CRACD: variants seen among roughly 807,000 people sequenced by gnomAD.
CRACD encodes capping protein-inhibiting regulator of actin dynamics.
A neutral mutation model predicts 106.8 loss-of-function variants in CRACD; 56 were observed. The ratio of observed to expected loss-of-function variants is 0.52; its 90% CI spans 0.42 to 0.66. The LOEUF (loss-of-function observed/expected upper bound fraction) is 0.66, where lower values mean the gene tolerates loss of function less well. Among genes scored for constraint, CRACD ranks in the 30% least tolerant of loss-of-function variants. CRACD has a pLI of 0.00. For missense variants in CRACD, 1,730 were observed against 1,623.2 expected (o/e 1.07, Z -1.13); for synonymous variants, 754 against 670.8 (o/e 1.12, Z -1.92).
At chr4:56,199,361 C>CA (rs1340510838) in intron 2 of CRACD, among the ~76,000 whole-genome samples, 1 of 152,068 alleles carries the variant, frequency 6.6e-6, no homozygotes, top group Non-Finnish European at 1.5e-5. Flanking sequence ...CTTTTATCAG[C>CA]AAGTTAATTT....
chr4:56,244,891 C>T (rs1740596225), intron 2 of CRACD, among the ~76,000 whole-genome samples: 2 of 152,254 alleles, frequency 1.3e-5, no homozygotes, highest in African/African-American at 4.8e-5. Flanking sequence ...AAATCCCATC[C>T]TAAGCTGCCC....
At chr4:56,051,586 C>G (rs1013957980) in intron 1 of CRACD, among the ~76,000 whole-genome samples, 2 of 152,122 alleles carry the variant, frequency 1.3e-5, no homozygotes, top group Non-Finnish European at 2.9e-5. Flanking sequence ...CTTGCCAGCT[C>G]CTTGCCACTA....
chr4:56,257,860 A>G (rs1741462295), intron 2 of CRACD, among the ~76,000 whole-genome samples: 1 of 152,124 alleles, frequency 6.6e-6, no homozygotes, highest in Non-Finnish European at 1.5e-5. Flanking sequence ...TCACAAGGTC[A>G]AGAGATTGAG....
intron 3 of CRACD, among the ~76,000 whole-genome samples, chr4:56,279,091 A>T (rs549130878): frequency 6.6e-6 from 1 of 152,162 alleles, no homozygotes; most frequent in African/African-American, 2.4e-5. Context: ...TTCTGATCCC[A>T]TACCTTCACT....
intron 2 of CRACD, among the ~76,000 whole-genome samples, chr4:56,189,746 G>A (rs1402127892): frequency 6.7e-6 from 1 of 149,684 alleles, no homozygotes; most frequent in East Asian, 2.0e-4. Context: ...TTTTATGGCT[G>A]TATAGTATTC....
chr4:56,177,577 G>A (rs892776273), intron 1 of CRACD, among the ~76,000 whole-genome samples: 1 of 152,182 alleles, frequency 6.6e-6, no homozygotes, highest in Non-Finnish European at 1.5e-5. Flanking sequence ...TGTTGCAACA[G>A]TTTGAGTAGA....
intron 1 of CRACD, among the ~76,000 whole-genome samples, chr4:56,077,791 G>T (rs755636878): frequency 2.0e-5 from 3 of 152,176 alleles, no homozygotes; most frequent in African/African-American, 7.2e-5. Context: ...TTTTTCAGAG[G>T]ATAGTCATGA....
chr4:56,192,887 A>G (rs542112038), intron 2 of CRACD, among the ~76,000 whole-genome samples: 1 of 152,320 alleles, frequency 6.6e-6, no homozygotes, highest in Non-Finnish European at 1.5e-5. Context: ...ATTGATTAAT[A>G]TTAGCTTCTC....
chr4:56,168,933 T>G (rs1736253316), intron 1 of CRACD, among the ~76,000 whole-genome samples: 1 of 152,160 alleles, frequency 6.6e-6, no homozygotes, highest in South Asian at 2.1e-4. Flanking sequence ...ATCACATGGC[T>G]TCCATAGAAA....
intron 2 of CRACD, among the ~76,000 whole-genome samples, chr4:56,205,490 C>T (rs1017141674): frequency 6.6e-5 from 10 of 151,610 alleles, no homozygotes; most frequent in African/African-American, 1.9e-4. Flanking sequence ...ATAAACTGTT[C>T]TAAGCAATTT....
At chr4:56,085,233 G>A (rs1310777923) in intron 1 of CRACD, among the ~76,000 whole-genome samples, 1 of 152,174 alleles carries the variant, frequency 6.6e-6, no homozygotes. Flanking sequence ...TGCTGCGCAT[G>A]ACTAAATATT....
intron 8 of CRACD, among the ~76,000 whole-genome samples, chr4:56,320,131 A>G (rs1413818580): frequency 6.9e-6 from 1 of 145,706 alleles, no homozygotes; most frequent in Non-Finnish European, 1.5e-5. Flanking sequence ...GAGATTGTGC[A>G]CTGACTCCAG....
chr4:56,133,722 G>GAT (rs2109868119), intron 1 of CRACD, among the ~76,000 whole-genome samples: 1 of 152,274 alleles, frequency 6.6e-6, no homozygotes, highest in Non-Finnish European at 1.5e-5. Context: ...TTGAAACAAG[G>GAT]ATATGATTTA....
intron 2 of CRACD, among the ~76,000 whole-genome samples, chr4:56,214,514 C>T (rs1384452049): frequency 2.0e-5 from 3 of 151,696 alleles, no homozygotes; most frequent in Non-Finnish European, 4.4e-5. Context: ...ATCACGTGAA[C>T]CCGGGAGGCG....
At chr4:56,321,186 G>A (rs1260486351) in intron 8 of CRACD, 3 of 276,192 alleles carry the variant, frequency 1.1e-5, no homozygotes, top group Non-Finnish European at 2.2e-5. Flanking sequence ...GAGGATAAAC[G>A]GTTTTATTCT....
intron 4 of CRACD, among the ~76,000 whole-genome samples, chr4:56,298,570 C>T (rs527690075): frequency 8.5e-5 from 13 of 152,258 alleles, no homozygotes; most frequent in Non-Finnish European, 1.8e-4. Context: ...GCATGACACA[C>T]CCTCTCCTTT....
chr4:56,190,306 ATGATTT>A (rs1189707192), intron 2 of CRACD, among the ~76,000 whole-genome samples: 1 of 152,076 alleles, frequency 6.6e-6, no homozygotes, highest in Non-Finnish European at 1.5e-5. Flanking sequence ...TTATAGCTGC[ATGATTT>A]ATAGTCCTTT....
intron 1 of CRACD, among the ~76,000 whole-genome samples, chr4:56,081,382 G>A (rs1733022009): frequency 2.0e-5 from 3 of 152,170 alleles, no homozygotes; most frequent in Admixed American, 1.3e-4. Context: ...TTTTGTGTGT[G>A]TGTTGTCTGC....
intron 1 of CRACD, among the ~76,000 whole-genome samples, chr4:56,128,544 T>A (rs11731420): frequency 0.072 from 11,017 of 152,264 alleles, 503 homozygotes; most frequent in Admixed American, 0.14. Flanking sequence ...TTTTGATTGT[T>A]CAAAGTGGAA....
Sources: gnomAD v4.1 joint callset for allele counts (sites outside exome capture counted in the v4.1 genomes callset) on GRCh38, gnomAD v4.1.1 for gene constraint, MANE v1.5 for transcripts, NCBI Gene and HGNC (gene_info 2026-07-23, HGNC 2026-07-21) for gene names.